The following BET1 variants were observed in gnomAD, a reference collection of about 807,000 sequenced individuals.
The protein encoded by BET1 is Bet1 golgi vesicular membrane trafficking protein.
In BET1, 9 loss-of-function variants were observed where a neutral mutation model predicts 13.9. The observed-to-expected ratio is 0.65, with a 90% CI of 0.39 to 1.13. The LOEUF (loss-of-function observed/expected upper bound fraction) is 1.13. BET1 is among the 50% of genes most tolerant of loss of function. The pLI, the probability that BET1 is intolerant of heterozygous loss-of-function variation, is 0.01. For missense variants in BET1, 127 were observed against 133.6 expected (o/e 0.95, Z 0.24); for synonymous variants, 39 against 47.3 (o/e 0.82, Z 0.72).
At chr7:93,988,611 AT>A (rs1407599102), downstream of BET1, among the ~76,000 whole-genome samples, 1 of 152,210 alleles carries the variant, frequency 6.6e-6, no homozygotes, top group Non-Finnish European at 1.5e-5. Flanking sequence ...ACATCATTTC[AT>A]TACTAGAAAC....
chr7:94,003,270 C>T (rs1795952406), intron 1 of BET1, among the ~76,000 whole-genome samples: 1 of 151,300 alleles, frequency 6.6e-6, no homozygotes, highest in South Asian at 2.1e-4. Flanking sequence ...CTTTCTCATA[C>T]TACAATTTAT....
intron 4 of BET1, among the ~76,000 whole-genome samples, chr7:93,976,710 T>G (rs573387065): frequency 3.3e-5 from 5 of 152,200 alleles, no homozygotes; most frequent in African/African-American, 9.6e-5. Context: ...TTTCGGAGAA[T>G]AGATGGTGTT....
At chr7:93,963,615 C>T (rs1485922933) in exon 7 of BET1, 1 of 152,016 alleles carries the variant, frequency 6.6e-6, no homozygotes, top group African/African-American at 2.4e-5. Context: ...AATAAATAAA[C>T]TGATCTTTAA....
chr7:93,997,446 T>A (rs1199218712), intron 2 of BET1, among the ~76,000 whole-genome samples: 2 of 152,216 alleles, frequency 1.3e-5, no homozygotes, highest in Non-Finnish European at 2.9e-5. Context: ...ATCTAAATTA[T>A]CTACATTGGG....
chr7:94,003,965 C>T (rs1396388428), intron 1 of BET1, among the ~76,000 whole-genome samples: 1 of 152,038 alleles, frequency 6.6e-6, no homozygotes, highest in African/African-American at 2.4e-5. Flanking sequence ...CACCCCTAGT[C>T]CACTACTTTC....
chr7:93,968,908 T>C (rs1485802090), intron 6 of BET1, among the ~76,000 whole-genome samples: 3 of 151,846 alleles, frequency 2.0e-5, no homozygotes, highest in Non-Finnish European at 4.4e-5. Context: ...ATACATATTT[T>C]AGGGGATCTG....
chr7:93,994,940 T>A (rs1795730158), intron 3 of BET1, among the ~76,000 whole-genome samples: 1 of 152,190 alleles, frequency 6.6e-6, no homozygotes, highest in Non-Finnish European at 1.5e-5. Context: ...GCCTCCCAGG[T>A]TCAAGTGATT....
At chr7:93,966,087 A>G (rs1348428904) in intron 6 of BET1, among the ~76,000 whole-genome samples, 2 of 151,996 alleles carry the variant, frequency 1.3e-5, no homozygotes, top group African/African-American at 4.8e-5. Context: ...AATGGTGGTC[A>G]CTGAGCTTAA....
downstream of BET1, among the ~76,000 whole-genome samples, chr7:93,990,279 C>A (rs1795606788): frequency 6.6e-6 from 1 of 151,946 alleles, no homozygotes; most frequent in Non-Finnish European, 1.5e-5. Context: ...ATCTTATGTG[C>A]TTTAAAGCAA....
intron 4 of BET1, among the ~76,000 whole-genome samples, chr7:93,977,765 G>C (rs1405874303): frequency 6.6e-6 from 1 of 152,138 alleles, no homozygotes; most frequent in African/African-American, 2.4e-5. Flanking sequence ...TGTTGTCCCA[G>C]AGGCCAGATG....
intron 4 of BET1, among the ~76,000 whole-genome samples, chr7:93,985,157 G>A (rs1433721572): frequency 6.6e-6 from 1 of 152,068 alleles, no homozygotes; most frequent in African/African-American, 2.4e-5. Flanking sequence ...ACTCCAGAAA[G>A]TTAGAAATAT....
At chr7:93,983,937 A>G (rs1273634352) in intron 4 of BET1, among the ~76,000 whole-genome samples, 2 of 152,152 alleles carry the variant, frequency 1.3e-5, no homozygotes, top group African/African-American at 4.8e-5. Context: ...AGGCACTCCT[A>G]GGCAACCCAT....
At chr7:94,002,597 T>C (rs947204480) in intron 1 of BET1, among the ~76,000 whole-genome samples, 1 of 152,078 alleles carries the variant, frequency 6.6e-6, no homozygotes, top group East Asian at 1.9e-4. Context: ...GATTCTAATG[T>C]ACAGTCAGGG....
At chr7:93,974,936 T>C (rs1795313222) in intron 5 of BET1, among the ~76,000 whole-genome samples, 1 of 152,108 alleles carries the variant, frequency 6.6e-6, no homozygotes, top group African/African-American at 2.4e-5. Flanking sequence ...TCATACATGA[T>C]ATACATATAT....
intron 1 of BET1, among the ~76,000 whole-genome samples, chr7:94,000,853 C>T (rs541755192): frequency 1.2e-4 from 19 of 152,232 alleles, no homozygotes; most frequent in African/African-American, 4.1e-4. Flanking sequence ...AGTCTCAGAG[C>T]CTGCTGCACA....
At chr7:93,986,698 A>C (rs915443700) in intron 4 of BET1, among the ~76,000 whole-genome samples, 1 of 152,180 alleles carries the variant, frequency 6.6e-6, no homozygotes, top group African/African-American at 2.4e-5. Flanking sequence ...TCAACAATGG[A>C]AAACATATAT....
At chr7:93,973,142 T>C (rs972513672) in intron 5 of BET1, among the ~76,000 whole-genome samples, 3 of 151,894 alleles carry the variant, frequency 2.0e-5, no homozygotes, top group Non-Finnish European at 2.9e-5. Flanking sequence ...AGTTAACAGA[T>C]ATCAAAAAGA....
exon 5 of BET1, chr7:93,975,999 T>C (rs1031954298): frequency 1.5e-5 from 19 of 1,280,412 alleles, no homozygotes; most frequent in Non-Finnish European, 1.8e-5. Flanking sequence ...AAAGTAAGCC[T>C]CCTTCTTTTT....
downstream of BET1, among the ~76,000 whole-genome samples, chr7:93,989,895 A>G (rs1795598129): frequency 6.6e-6 from 1 of 152,196 alleles, no homozygotes; most frequent in Non-Finnish European, 1.5e-5. Context: ...GAAGCTGACT[A>G]GCTCATACCA....
Sources: gnomAD v4.1 joint callset for allele counts (sites outside exome capture counted in the v4.1 genomes callset) on GRCh38, gnomAD v4.1.1 for gene constraint, MANE v1.5 for transcripts, NCBI Gene and HGNC (gene_info 2026-07-23, HGNC 2026-07-21) for gene names.